The following LRRC7 variants were observed in gnomAD, a reference collection of about 807,000 sequenced individuals.
LRRC7 encodes the protein leucine rich repeat containing 7.
In LRRC7, 23 loss-of-function variants were observed where a neutral mutation model predicts 175.7. That is an observed-to-expected ratio of 0.13 (90% confidence interval 0.09 to 0.19). LRRC7 has a LOEUF of 0.19. Among genes scored for constraint, LRRC7 ranks in the 10% least tolerant of loss-of-function variants. The pLI, the probability that LRRC7 is intolerant of heterozygous loss-of-function variation, is 1.00. For synonymous variants in LRRC7, 685 were observed against 680.9 expected (o/e 1.01, Z -0.09); for missense variants, 1,354 against 1,904.7 (o/e 0.71, Z 5.38).
chr1:69,787,905 C>CCTTT (rs375917756), intron 3 of LRRC7, among the ~76,000 whole-genome samples: 110 of 152,056 alleles, frequency 7.2e-4, no homozygotes, highest in Middle Eastern at 3.4e-3. Flanking sequence ...TATATCACTC[C>CCTTT]CTTTCTTCAT....
At chr1:70,043,656 A>C (rs1263819217) in intron 21 of LRRC7, among the ~76,000 whole-genome samples, 1 of 152,240 alleles carries the variant, frequency 6.6e-6, no homozygotes, top group African/African-American at 2.4e-5. Flanking sequence ...ACTTGTCCAA[A>C]GTCACTACTA....
intron 1 of LRRC7, among the ~76,000 whole-genome samples, chr1:69,664,902 T>C (rs1658045429): frequency 6.6e-6 from 1 of 152,208 alleles, no homozygotes; most frequent in Non-Finnish European, 1.5e-5. Flanking sequence ...GGAGAATTTC[T>C]TCAATGTTTA....
intron 7 of LRRC7, among the ~76,000 whole-genome samples, chr1:69,916,361 C>A (rs1014707884): frequency 7.0e-6 from 1 of 143,526 alleles, no homozygotes; most frequent in East Asian, 2.0e-4. Context: ...TAAAAACTAC[C>A]TAAACATCTC....
At chr1:69,577,849 C>A (rs898628057) in intron 1 of LRRC7, among the ~76,000 whole-genome samples, 3 of 152,014 alleles carry the variant, frequency 2.0e-5, no homozygotes, top group Admixed American at 6.6e-5. Context: ...CTTAGGATTG[C>A]CTTGGCGATG....
At chr1:69,676,835 T>G (rs1220897735) in intron 1 of LRRC7, among the ~76,000 whole-genome samples, 1 of 151,944 alleles carries the variant, frequency 6.6e-6, no homozygotes, top group Non-Finnish European at 1.5e-5. Flanking sequence ...GTTACACACA[T>G]GAATTGTATA....
At chr1:69,718,126 A>AGAGAG (rs1222860817) in intron 2 of LRRC7, among the ~76,000 whole-genome samples, 1 of 32,282 alleles carries the variant, frequency 3.1e-5, no homozygotes, top group Non-Finnish European at 5.1e-5. Flanking sequence ...AGAAAGAAAG[A>AGAGAG]AAAGAAAGAA....
At chr1:70,089,575 C>T (rs966664880) in intron 24 of LRRC7, 152 bp from the exon 25 acceptor site, 7 of 499,732 alleles carry the variant, frequency 1.4e-5, no homozygotes, top group East Asian at 3.7e-5. Flanking sequence ...AACATTTTGT[C>T]AAAGTTTATA....
At chr1:70,077,643 AG>A (rs1662883198) in intron 24 of LRRC7, among the ~76,000 whole-genome samples, 2 of 152,190 alleles carry the variant, frequency 1.3e-5, no homozygotes, top group Admixed American at 1.3e-4. Context: ...TACATTGAAA[AG>A]TAGGTTTAGT....
rs1378375222 is a variant in LRRC7, at chr1:70,081,058, G to A, written c.4452+4760G>A. 2.6e-5 allele frequency among the ~76,000 whole-genome samples: 4 copies of A among 152,316 alleles called. No homozygotes were observed. The East Asian group carries it at 5.8e-4, about 22-fold the overall frequency. The stretch of plus-strand genomic sequence containing the variant: ...TTGAGGGGCTTTAAAAAACACTGAT[G>A]TCTTGCTCTCATCCCCAGATAAACT... On this transcript the variant is annotated intron_variant, in intron 24 of 26. Transcript: ENST00000651989.
At chr1:69,828,771 G>T (rs1680211466) in intron 5 of LRRC7, among the ~76,000 whole-genome samples, 1 of 151,904 alleles carries the variant, frequency 6.6e-6, no homozygotes, top group African/African-American at 2.4e-5. Context: ...AAGATGTTTT[G>T]ATGTAAAATG....
chr1:69,868,194 A>G (rs1364868302), intron 7 of LRRC7, among the ~76,000 whole-genome samples: 2 of 152,160 alleles, frequency 1.3e-5, no homozygotes. Context: ...AAAAGATAAT[A>G]TTAAATCAAA....
At chr1:69,799,685 G>A (rs1676234386) in intron 4 of LRRC7, among the ~76,000 whole-genome samples, 1 of 151,920 alleles carries the variant, frequency 6.6e-6, no homozygotes. Context: ...CAGACTTTCT[G>A]TTCACTCTGT....
intron 21 of LRRC7, among the ~76,000 whole-genome samples, chr1:70,043,699 T>C (rs1660104318): frequency 6.6e-6 from 1 of 152,170 alleles, no homozygotes; most frequent in African/African-American, 2.4e-5. Flanking sequence ...TTTATGACGT[T>C]GAGTTAGCAG....
At chr1:70,095,590 T>C (rs1664329027) in intron 25 of LRRC7, among the ~76,000 whole-genome samples, 2 of 152,162 alleles carry the variant, frequency 1.3e-5, no homozygotes, top group Non-Finnish European at 2.9e-5. Context: ...AAAGGTATGG[T>C]AGCATGCTTT....
intron 7 of LRRC7, among the ~76,000 whole-genome samples, chr1:69,916,985 T>C (rs1646739002): frequency 6.6e-6 from 1 of 151,998 alleles, no homozygotes. Flanking sequence ...TATGAGAAGA[T>C]TTACAGGAAT....
chr1:69,815,829 A>G (rs1165789036), intron 4 of LRRC7, among the ~76,000 whole-genome samples: 4 of 152,148 alleles, frequency 2.6e-5, no homozygotes, highest in Non-Finnish European at 4.4e-5. Flanking sequence ...TTCCTCATAG[A>G]CAGTACCTCA....
At chr1:69,778,130 C>T (rs1406264662) in intron 3 of LRRC7, among the ~76,000 whole-genome samples, 2 of 152,186 alleles carry the variant, frequency 1.3e-5, no homozygotes, top group Non-Finnish European at 2.9e-5. Flanking sequence ...TACTTTGATT[C>T]ATCTCAACTG....
intron 8 of LRRC7, among the ~76,000 whole-genome samples, chr1:69,942,806 C>G (rs1648867842): frequency 6.6e-6 from 1 of 152,036 alleles, no homozygotes; most frequent in Non-Finnish European, 1.5e-5. Flanking sequence ...TGTAAGGTAA[C>G]ATATTTATAG....
chr1:69,808,044 A>G (rs1241055518), intron 4 of LRRC7, among the ~76,000 whole-genome samples: 1 of 151,480 alleles, frequency 6.6e-6, no homozygotes, highest in Non-Finnish European at 1.5e-5. Context: ...TACTTCATTA[A>G]GTCGATCTTC....
Sources: allele counts gnomAD v4.1 joint callset (sites outside exome capture counted in the v4.1 genomes callset), GRCh38; gene constraint gnomAD v4.1.1; transcripts MANE v1.5; gene names NCBI Gene and HGNC (gene_info 2026-07-23, HGNC 2026-07-21).